The following DLC1 variants were observed in gnomAD, a reference collection of about 807,000 sequenced individuals.
The protein encoded by DLC1 is DLC1 Rho GTPase activating protein.
In DLC1, 54 loss-of-function variants were observed where a neutral mutation model predicts 140.3. The ratio of observed to expected loss-of-function variants is 0.38; its 90% CI spans 0.31 to 0.48. The LOEUF is 0.48. Ranked by LOEUF, DLC1 falls within the 20% of genes least tolerant of loss-of-function variation. The pLI is 0.96. For synonymous variants in DLC1, 986 were observed against 728.1 expected (o/e 1.35, Z -5.70); for missense variants, 2,536 against 1,907.0 (o/e 1.33, Z -6.14).
At chr8:13,206,907 G>T (rs1402578388) in intron 5 of DLC1, among the ~76,000 whole-genome samples, 1 of 151,990 alleles carries the variant, frequency 6.6e-6, no homozygotes, top group Non-Finnish European at 1.5e-5. Context: ...ACATTTCAGT[G>T]ATGATAAGCA....
At chr8:13,484,186 C>T (rs909747841) in intron 2 of DLC1, among the ~76,000 whole-genome samples, 7 of 152,176 alleles carry the variant, frequency 4.6e-5, no homozygotes, top group African/African-American at 9.6e-5. Context: ...GTTAAGAAAA[C>T]GTAGCAGTAA....
At chr8:13,372,851 A>AT (rs1424570118) in intron 4 of DLC1, among the ~76,000 whole-genome samples, 5 of 152,144 alleles carry the variant, frequency 3.3e-5, no homozygotes, top group Non-Finnish European at 7.4e-5. Context: ...TATCTTTATA[A>AT]TTTATAATAA....
intron 10 of DLC1, among the ~76,000 whole-genome samples, chr8:13,097,290 C>G (rs556193231): frequency 1.4e-3 from 202 of 139,618 alleles, no homozygotes; most frequent in Middle Eastern, 3.7e-3. Context: ...GAGATAGAGT[C>G]TTACTCTGTC....
chr8:13,385,795 T>G (rs546517705), intron 4 of DLC1, among the ~76,000 whole-genome samples: 1 of 152,324 alleles, frequency 6.6e-6, no homozygotes, highest in East Asian at 1.9e-4. Flanking sequence ...TTCAATGACT[T>G]TAACTGTCTT....
chr8:13,087,634 G>GA (rs1563559407), intron 16 of DLC1, among the ~76,000 whole-genome samples: 1 of 152,024 alleles, frequency 6.6e-6, no homozygotes. Flanking sequence ...TCTCCTCTTT[G>GA]AAAAAAGAGC....
intron 5 of DLC1, among the ~76,000 whole-genome samples, chr8:13,294,636 C>T (rs574360099): frequency 6.6e-6 from 1 of 152,148 alleles, no homozygotes; most frequent in African/African-American, 2.4e-5. Flanking sequence ...GAGGAAGGTG[C>T]GTGCTAGAAG....
intron 7 of DLC1, among the ~76,000 whole-genome samples, chr8:13,103,514 C>T (rs1819283215): frequency 6.6e-6 from 1 of 151,730 alleles, no homozygotes; most frequent in Non-Finnish European, 1.5e-5. Flanking sequence ...TAGGTTGAGC[C>T]ATTATGGACT....
chr8:13,538,400 G>C (rs1430306158), intron 1 of DLC1, among the ~76,000 whole-genome samples: 2 of 151,992 alleles, frequency 1.3e-5, no homozygotes, highest in Non-Finnish European at 2.9e-5. Context: ...GAATATTTCA[G>C]ATCTGGTGAG....
At chr8:13,418,743 T>G (rs906222904) in intron 2 of DLC1, among the ~76,000 whole-genome samples, 1 of 152,058 alleles carries the variant, frequency 6.6e-6, no homozygotes, top group Non-Finnish European at 1.5e-5. Context: ...TTTTCCAATT[T>G]TGTGAAGAAA....
chr8:13,504,121 ATTTTT>A (rs370240794), intron 1 of DLC1, among the ~76,000 whole-genome samples: 210 of 126,450 alleles, frequency 1.7e-3, no homozygotes, highest in African/African-American at 5.4e-3. Flanking sequence ...ATTTCAGAGA[ATTTTT>A]TTTTTTTTTT....
intron 1 of DLC1, among the ~76,000 whole-genome samples, chr8:13,536,891 T>G (rs1210769823): frequency 6.6e-6 from 1 of 152,216 alleles, no homozygotes; most frequent in Non-Finnish European, 1.5e-5. Context: ...GAGCATCCAG[T>G]AATCTGTTCC....
In DLC1 at chr8:13,110,806, C is replaced by T. The variant is rs200557469; in HGVS notation, c.1438G>A (p.Asp480Asn). The change falls in exon 7 of 18, where the codon GAT becomes AAT. Residue 480 changes from aspartate (D) to asparagine (N), a missense_variant. Transcript: ENST00000276297. ...QLYEDFLFPI[D>N]ISLVKREHDF... ...TGCTCTCTCTTGACCAAGGAAATAT[C>T]GATGGGGAACAGGAAATCTATGAGA... 207 of 1,614,032 alleles carry T rather than the reference C, an allele frequency of 1.3e-4. 1 individual carries two copies. Among genetic ancestry groups the T allele is most frequent in the African/African-American group, 1.7e-4 (13 of 75,026 alleles).
intron 2 of DLC1, among the ~76,000 whole-genome samples, chr8:13,418,128 G>A (rs1838156882): frequency 6.6e-6 from 1 of 152,130 alleles, no homozygotes; most frequent in African/African-American, 2.4e-5. Flanking sequence ...TTTGTCAGAT[G>A]AGTAGGCTGC....
intron 5 of DLC1, among the ~76,000 whole-genome samples, chr8:13,215,282 G>A (rs1001454727): frequency 6.6e-6 from 1 of 152,144 alleles, no homozygotes; most frequent in African/African-American, 2.4e-5. Context: ...GAAAGACTCT[G>A]AATTTAAATA....
intron 1 of DLC1, among the ~76,000 whole-genome samples, chr8:13,506,187 G>A (rs569749399): frequency 1.3e-5 from 2 of 151,910 alleles, no homozygotes; most frequent in Non-Finnish European, 2.9e-5. Context: ...ATACACATAT[G>A]TATACAAATA....
At chr8:13,312,386 A>AAATAATAATAAT (rs1554494787) in intron 4 of DLC1, among the ~76,000 whole-genome samples, 28 of 81,704 alleles carry the variant, frequency 3.4e-4, no homozygotes, top group African/African-American at 1.2e-3. Flanking sequence ...AAAAAAAAAA[A>AAATAATAATAAT]AATAATTTCT....
chr8:13,575,993 G>A (rs928117558), intron 1 of DLC1, among the ~76,000 whole-genome samples: 4 of 152,140 alleles, frequency 2.6e-5, no homozygotes, highest in African/African-American at 9.7e-5. Context: ...GCTACCATTG[G>A]CAGAACTAGA....
chr8:13,481,663 G>A (rs560558734), intron 2 of DLC1, among the ~76,000 whole-genome samples: 1 of 152,204 alleles, frequency 6.6e-6, no homozygotes, highest in South Asian at 2.1e-4. Flanking sequence ...ACTGTGCTTG[G>A]CACAAAACAT....
At chr8:13,131,721 C>T (rs1418473952) in intron 5 of DLC1, among the ~76,000 whole-genome samples, 1 of 152,182 alleles carries the variant, frequency 6.6e-6, no homozygotes, top group Non-Finnish European at 1.5e-5. Context: ...CTCACAACCT[C>T]CCCGCGCGGA....
Sources: allele counts gnomAD v4.1 joint callset (sites outside exome capture counted in the v4.1 genomes callset), GRCh38; gene constraint gnomAD v4.1.1; transcripts MANE v1.5; gene names NCBI Gene and HGNC (gene_info 2026-07-23, HGNC 2026-07-21).